PUM2: variants seen among roughly 807,000 people sequenced by gnomAD.
PUM2 encodes the protein pumilio RNA binding family member 2.
A neutral mutation model predicts 124.5 loss-of-function variants in PUM2; 57 were observed. The ratio of observed to expected loss-of-function variants is 0.46; its 90% CI spans 0.37 to 0.57. The LOEUF (loss-of-function observed/expected upper bound fraction) is 0.57, where lower values mean the gene tolerates loss of function less well. Ranked by LOEUF, PUM2 falls within the 20% of genes least tolerant of loss-of-function variation. The pLI, the probability that PUM2 is intolerant of heterozygous loss-of-function variation, is 0.00. For synonymous variants in PUM2, 460 were observed against 446.1 expected, an observed-to-expected ratio of 1.03 and a Z score of -0.39; for missense variants, 1,065 against 1,290.6, an observed-to-expected ratio of 0.83 and a Z score of 2.68.
rs1689167391 is a variant in PUM2, at chr2:20,350,611, C to T, written c.-33G>A. 4.1e-6 allele frequency: 4 copies of T among 985,462 alleles called. No homozygotes were observed. The highest frequency in any genetic ancestry group is 4.8e-6 in the Non-Finnish European group (4 of 829,982). 61.0% of individuals were successfully genotyped at this position (985,462 alleles called of 1,614,324 possible). A position where few individuals can be genotyped will look rare whatever the true frequency, so the allele number is the denominator to read the frequency against. On this transcript the variant is annotated 5_prime_UTR_variant, in exon 1 of 21. Coordinates refer to ENST00000361078, the MANE Select transcript of PUM2 (RefSeq NM_015317.5). ...GACTGACTTACAGGGCTGCTGCGGC[C>T]GCGCTGCCTCAGCCGGGGACACCGA...
intron 7 of PUM2, among the ~76,000 whole-genome samples, chr2:20,304,096 T>C (rs961888744): frequency 2.6e-5 from 4 of 152,236 alleles, no homozygotes; most frequent in Non-Finnish European, 4.4e-5. Flanking sequence ...CTACATACTA[T>C]AGGGTCAAAT....
chr2:20,333,963 CG>C (rs1157310823), intron 1 of PUM2, among the ~76,000 whole-genome samples: 1 of 152,092 alleles, frequency 6.6e-6, no homozygotes, highest in Non-Finnish European at 1.5e-5. Flanking sequence ...GCTACAGCCA[CG>C]TAAGAGGTGC....
intron 1 of PUM2, among the ~76,000 whole-genome samples, chr2:20,330,507 C>T (rs1684685480): frequency 6.6e-6 from 1 of 152,144 alleles, no homozygotes; most frequent in Non-Finnish European, 1.5e-5. Context: ...GGTGAGACTT[C>T]TGCAAAATTC....
intron 1 of PUM2, among the ~76,000 whole-genome samples, chr2:20,343,162 A>G (rs1003689919): frequency 6.6e-6 from 1 of 152,172 alleles, no homozygotes; most frequent in Non-Finnish European, 1.5e-5. Flanking sequence ...TAATTTAAAT[A>G]AACTTACTTT....
At chr2:20,273,772 C>T (rs1304046088) in intron 13 of PUM2, among the ~76,000 whole-genome samples, 1 of 152,026 alleles carries the variant, frequency 6.6e-6, no homozygotes, top group Non-Finnish European at 1.5e-5. Flanking sequence ...AAATTGCCTG[C>T]CTTAGATTAA....
intron 4 of PUM2, 41 bp from the exon 5 acceptor site, chr2:20,311,704 A>G: frequency 6.3e-7 from 1 of 1,583,940 alleles, no homozygotes. Flanking sequence ...TATTTAATAG[A>G]ACACAAAAAA....
chr2:20,312,670 TC>T (rs1201300070), intron 3 of PUM2, among the ~76,000 whole-genome samples: 1 of 152,088 alleles, frequency 6.6e-6, no homozygotes, highest in East Asian at 1.9e-4. Flanking sequence ...TTCAATGCTA[TC>T]CCCATCAAGC....
chr2:20,337,650 A>C (rs530521120), intron 1 of PUM2, among the ~76,000 whole-genome samples: 24 of 152,258 alleles, frequency 1.6e-4, no homozygotes, highest in Non-Finnish European at 2.8e-4. Context: ...TCAGACAAAA[A>C]TATTTTTAAA....
At chr2:20,266,643 T>C (rs1667729691) in intron 13 of PUM2, among the ~76,000 whole-genome samples, 1 of 152,244 alleles carries the variant, frequency 6.6e-6, no homozygotes, top group Admixed American at 6.5e-5. Context: ...TTAGACATTT[T>C]AAATTTTGTT....
At position 20,257,043 on chromosome 2, in the gene PUM2, C is replaced by CAAAAAA. The variant is rs58072146; in HGVS notation, c.2485-879_2485-874dup. On this transcript the variant is annotated intron_variant, in intron 16 of 20. Transcript: ENST00000361078. ...TGGGCGACACAGCAAGATTCCGTCT[C>CAAAAAA]AAAAAAAAAAAAAAAAAAAAAAAAA... Among the ~76,000 whole-genome samples, 178 of 71,796 alleles carry CAAAAAA rather than the reference C, an allele frequency of 2.5e-3. 2 individuals are homozygous for CAAAAAA. The highest frequency in any genetic ancestry group is 9.6e-3 in the Middle Eastern group (1 of 104). 47.1% of individuals were successfully genotyped at this position (71,796 alleles called of 152,430 possible).
intron 2 of PUM2, among the ~76,000 whole-genome samples, chr2:20,320,736 A>G (rs1011635149): frequency 6.6e-6 from 1 of 152,186 alleles, no homozygotes; most frequent in African/African-American, 2.4e-5. Flanking sequence ...CTTCTATTTT[A>G]AAAATCTCAT....
In PUM2 at chr2:20,293,287, T is replaced by C. The variant is rs549696676; in HGVS notation, c.1152+1089A>G. Among the ~76,000 whole-genome samples, 7 of 152,352 alleles carry C rather than the reference T, an allele frequency of 4.6e-5. No individual in the cohort carries two copies. In the South Asian group the frequency reaches 1.0e-3, roughly 23 times the overall value. On this transcript the variant is annotated intron_variant, in intron 9 of 20. Coordinates refer to ENST00000361078, the MANE Select transcript of PUM2 (RefSeq NM_015317.5). ...AGTAAGCATCAAACACAGGTGTGTATATTTTAAGCTAATGTGACATTACAT... is the reference window on the plus strand; with the variant it reads ...AGTAAGCATCAAACACAGGTGTGTACATTTTAAGCTAATGTGACATTACAT...
intron 8 of PUM2, 146 bp from the exon 9 acceptor site, chr2:20,294,664 G>GTCACCCATCAATACTTT: frequency 2.1e-6 from 2 of 959,126 alleles, no homozygotes; most frequent in Non-Finnish European, 3.0e-6. Context: ...AAGTATTGAT[G>GTCACCCATCAATACTTT]GGTGACAGCA....
intron 1 of PUM2, among the ~76,000 whole-genome samples, chr2:20,347,255 C>T (rs975547557): frequency 6.6e-6 from 1 of 152,154 alleles, no homozygotes; most frequent in African/African-American, 2.4e-5. Flanking sequence ...TTCTCTAAAG[C>T]ACTTAAGACC....
In PUM2 at chr2:20,350,751, TCTC is replaced by T. The variant is rs1689214487; in HGVS notation, c.-176_-174del. 4 of 771,706 alleles carry T rather than the reference TCTC, an allele frequency of 5.2e-6. No homozygotes were observed. The highest frequency in any genetic ancestry group is 3.6e-5 in the African/African-American group (1 of 27,830). The allele number at this position is 771,706 out of a possible 1,614,324, so 47.8% of individuals were successfully genotyped here. Reference sequence around the variant, plus strand: ...CTCCCCCCCCACCCCACCTCCTCCTTCTCCTCCCCCTCCTCCTCCGAACCACCG... The same window carrying T: ...CTCCCCCCCCACCCCACCTCCTCCTTCTCCCCCTCCTCCTCCGAACCACCG... On this transcript the variant is annotated 5_prime_UTR_variant, in exon 1 of 21. Transcript: ENST00000361078.
At chr2:20,301,651 G>A (rs1388814247) in intron 7 of PUM2, among the ~76,000 whole-genome samples, 1 of 151,960 alleles carries the variant, frequency 6.6e-6, no homozygotes. Flanking sequence ...GCAGTGGCAT[G>A]ATCATGGCTA....
At chr2:20,339,951 T>C (rs1172171853) in intron 1 of PUM2, among the ~76,000 whole-genome samples, 1 of 152,108 alleles carries the variant, frequency 6.6e-6, no homozygotes, top group Admixed American at 6.5e-5. Flanking sequence ...TCATTTCATC[T>C]AGATTAGTTC....
At chr2:20,252,267 A>G (rs1365949135) in intron 20 of PUM2, among the ~76,000 whole-genome samples, 1 of 152,200 alleles carries the variant, frequency 6.6e-6, no homozygotes, top group Non-Finnish European at 1.5e-5. Flanking sequence ...AAATATAAAC[A>G]AAACTAAAAG....
chr2:20,273,047 C>T (rs1264988578), intron 13 of PUM2, among the ~76,000 whole-genome samples: 3 of 152,198 alleles, frequency 2.0e-5, no homozygotes, highest in Non-Finnish European at 4.4e-5. Flanking sequence ...ATTTTAAAGG[C>T]TACCTTTTGA....
Sources: allele counts gnomAD v4.1 joint callset (sites outside exome capture counted in the v4.1 genomes callset), GRCh38; gene constraint gnomAD v4.1.1; transcripts MANE v1.5; gene names NCBI Gene and HGNC (gene_info 2026-07-23, HGNC 2026-07-21).